PRR14L: variants seen among roughly 807,000 people sequenced by gnomAD.
PRR14L encodes the protein protein PRR14L.
A neutral mutation model predicts 155.0 loss-of-function variants in PRR14L; 80 were observed. The observed-to-expected ratio is 0.52, with a 90% confidence interval of 0.43 to 0.62. The LOEUF (loss-of-function observed/expected upper bound fraction) is 0.62, where lower values mean the gene tolerates loss of function less well. PRR14L is among the 20% of genes least tolerant of loss of function. The probability of loss-of-function intolerance (pLI) is 0.00; values close to 1 mark genes in which losing one functional copy is unlikely to be tolerated. For synonymous variants in PRR14L, 883 were observed against 916.0 expected (o/e 0.96, Z 0.65); for missense variants, 2,469 against 2,548.0 (o/e 0.97, Z 0.67).
chr22:31,727,991 A>G (rs2074726620), intron 2 of PRR14L, among the ~76,000 whole-genome samples: 1 of 151,928 alleles, frequency 6.6e-6, no homozygotes, highest in African/African-American at 2.4e-5. Flanking sequence ...AAAAAAAAAA[A>G]AAAGAAAAGA....
chr22:31,742,008 G>A (rs2074815730), intron 1 of PRR14L, among the ~76,000 whole-genome samples: 2 of 152,118 alleles, frequency 1.3e-5, no homozygotes, highest in South Asian at 4.1e-4. Flanking sequence ...GTGGGGGATG[G>A]GGGAGGTTAG....
At chr22:31,706,038 A>G (rs1343046149) in intron 4 of PRR14L, among the ~76,000 whole-genome samples, 1 of 148,346 alleles carries the variant, frequency 6.7e-6, no homozygotes, top group Non-Finnish European at 1.5e-5. Flanking sequence ...GCTATATAGA[A>G]GAAAATTAAT....
intron 1 of PRR14L, among the ~76,000 whole-genome samples, chr22:31,748,004 C>T (rs1275133024): frequency 1.4e-5 from 2 of 147,314 alleles, no homozygotes; most frequent in African/African-American, 5.4e-5. Flanking sequence ...AAAAACAGAA[C>T]ATAAAACCGT....
intron 4 of PRR14L, among the ~76,000 whole-genome samples, chr22:31,709,464 C>G (rs1478748635): frequency 6.8e-6 from 1 of 147,910 alleles, no homozygotes; most frequent in Admixed American, 6.7e-5. Context: ...CCACGTCGGT[C>G]AGGCCCGCCT....
intron 2 of PRR14L, among the ~76,000 whole-genome samples, chr22:31,734,496 T>C (rs1473009626): frequency 6.6e-6 from 1 of 152,192 alleles, no homozygotes; most frequent in African/African-American, 2.4e-5. Flanking sequence ...GGTATGCAAG[T>C]GGTATGTCTG....
intron 7 of PRR14L, among the ~76,000 whole-genome samples, chr22:31,694,373 A>C (rs1487237359): frequency 2.0e-5 from 3 of 152,020 alleles, no homozygotes; most frequent in Non-Finnish European, 4.4e-5. Flanking sequence ...CCCGGCCAGC[A>C]GCAACTTTTA....
chr22:31,685,457 A>C lies in PRR14L; in HGVS notation c.*70T>G. On this transcript the variant is annotated 3_prime_UTR_variant, in exon 9 of 9. Coordinates refer to ENST00000327423, the MANE Select transcript of PRR14L (RefSeq NM_173566.3). ...ACCTTTTCCAAGGAGGTCCAAAAAA[A>C]AAAAAAAAACCCAAAAACAAAACAA... The C allele has an allele frequency of 7.2e-7, 1 of 1,387,588 alleles. No individual in the cohort carries two copies. The highest frequency in any genetic ancestry group is 1.5e-5 in the South Asian group (1 of 68,322). The allele number at this position is 1,387,588 out of a possible 1,614,324, so 86.0% of individuals were successfully genotyped here. A position where few individuals can be genotyped will look rare whatever the true frequency, so the allele number is the denominator to read the frequency against.
rs779229626 is a variant in PRR14L at position 31,716,637 on chromosome 22, C to T, written c.1202G>A (p.Arg401Gln). 1.8e-4 allele frequency: 275 copies of T among 1,551,846 alleles called. No homozygotes were observed. Among genetic ancestry groups the T allele is most frequent in the South Asian group, 4.2e-4 (35 of 84,048 alleles). ...TCTTTCACTCCTAGGAATCAAAAGC[C>T]GTTCCTCATTTTCTTCTCTAGAAGC... ...NLASREENEE[R>Q]LLIPRSERGG... The change falls in exon 4 of 9, where the codon CGG (arginine) becomes CAG (glutamine). Residue 401 changes from arginine to glutamine, a missense_variant. By Grantham distance (43) the Arg-to-Gln change is conservative. This residue lies in a region of PRR14L where 2,363 missense variants were observed against 2,371.6 expected (regional missense o/e 1.00). Coordinates refer to ENST00000327423, the MANE Select transcript of PRR14L (RefSeq NM_173566.3).
rs574801816 is a variant in PRR14L at position 31,725,666 on chromosome 22, ATATTAT to A, written c.475-62_475-57del. 4.4e-4 allele frequency: 431 copies of A among 971,206 alleles called. 3 individuals are homozygous for A. The African/African-American group carries it at 5.8e-3, about 13-fold the overall frequency. 60.2% of individuals were successfully genotyped at this position (971,206 alleles called of 1,614,324 possible). A position where few individuals can be genotyped will look rare whatever the true frequency, so the allele number is the denominator to read the frequency against. Reference sequence around the variant, plus strand: ...GATTCAGAAGATTCTGAGTTAATGAATATTATTATTATTATTATTTTTTGAGACAGA... The same window carrying A: ...GATTCAGAAGATTCTGAGTTAATGAATATTATTATTATTTTTTGAGACAGA... On this transcript the variant is annotated intron_variant, in intron 2 of 8. Coordinates refer to ENST00000327423, the MANE Select transcript of PRR14L (RefSeq NM_173566.3).
intron 1 of PRR14L, among the ~76,000 whole-genome samples, chr22:31,749,136 G>A (rs768498099): frequency 6.6e-6 from 1 of 152,166 alleles, no homozygotes; most frequent in Non-Finnish European, 1.5e-5. Flanking sequence ...CCCTTAGCCC[G>A]CATGACAATT....
At chr22:31,727,904 C>T (rs1051513014) in intron 2 of PRR14L, among the ~76,000 whole-genome samples, 1 of 151,684 alleles carries the variant, frequency 6.6e-6, no homozygotes, top group Non-Finnish European at 1.5e-5. Context: ...ATCACTTGAA[C>T]CCAGGAGGAG....
chr22:31,691,629 T>A (rs1413828438), intron 7 of PRR14L, among the ~76,000 whole-genome samples: 1 of 152,234 alleles, frequency 6.6e-6, no homozygotes, highest in Non-Finnish European at 1.5e-5. Flanking sequence ...TCTCTAAGGA[T>A]TCTAGACTTT....
At chr22:31,743,133 T>A (rs1366596355) in intron 1 of PRR14L, among the ~76,000 whole-genome samples, 1 of 152,046 alleles carries the variant, frequency 6.6e-6, no homozygotes, top group Non-Finnish European at 1.5e-5. Context: ...ACACCCCGTC[T>A]CTACTAAAAA....
At position 31,716,458 on chromosome 22, in the gene PRR14L, G is replaced by T. The variant is rs2074660313; in HGVS notation, c.1381C>A (p.Pro461Thr). 6.4e-7 allele frequency: 1 copy of T among 1,550,676 alleles called. No homozygotes were observed. The highest frequency in any genetic ancestry group is 1.2e-5 in the South Asian group (1 of 83,814). Residue 461 changes from proline to threonine, a missense_variant, in exon 4 of 9, where the codon CCC (proline) becomes ACC (threonine). Pro to Thr is a conservative substitution (Grantham distance 38, BLOSUM62 -1). This residue lies in a region of PRR14L where 2,363 missense variants were observed against 2,371.6 expected (regional missense o/e 1.00). Transcript: ENST00000327423. The stretch of plus-strand genomic sequence containing the variant: ...TCTGTGGCTTCAGTAAAAGAATTGG[G>T]CATTAAAGAACTAGAGTTCCCTGTA... The part of the protein sequence containing the change: ...LHTGNSSSLM[P>T]NSFTEATEVM...
chr22:31,716,961 T>G lies in PRR14L; in HGVS notation c.878A>C (p.Asp293Ala), dbSNP rs528523587. The G allele has an allele frequency of 2.6e-6, 4 of 1,551,938 alleles. No homozygotes were observed. In the East Asian group the frequency reaches 9.8e-5, roughly 38 times the overall value. The change falls in exon 4 of 9, where the codon GAC becomes GCC. Residue 293 changes from aspartate to alanine, a missense_variant. By Grantham distance (126) the Asp-to-Ala change is moderately radical. This residue lies in a region of PRR14L where 2,363 missense variants were observed against 2,371.6 expected (regional missense o/e 1.00). Coordinates refer to ENST00000327423, the MANE Select transcript of PRR14L (RefSeq NM_173566.3). Reference sequence around the variant, plus strand: ...TTTACACAACTCTTCCTTCCCATTGTCCACATTAGAAATGGCACTGTTTCC... The same window carrying G: ...TTTACACAACTCTTCCTTCCCATTGGCCACATTAGAAATGGCACTGTTTCC... ...LPGNSAISNV[D>A]NGKEELCKPN...
At position 31,716,722 on chromosome 22, in the gene PRR14L, A is replaced by G. The variant is rs2074662441; in HGVS notation, c.1117T>C (p.Ser373Pro). 1 of 1,551,816 alleles carries G rather than the reference A, an allele frequency of 6.4e-7. No homozygotes were observed. The highest frequency in any genetic ancestry group is 2.0e-5 in the Admixed American group (1 of 50,948). The change falls in exon 4 of 9, where the codon TCT (serine) becomes CCT (proline). Residue 373 changes from serine (S) to proline (P), a missense_variant. By Grantham distance (74) the Ser-to-Pro change is moderately conservative (BLOSUM62 -1). This residue lies in a region of PRR14L where 2,363 missense variants were observed against 2,371.6 expected (regional missense o/e 1.00). Coordinates refer to ENST00000327423, the MANE Select transcript of PRR14L (RefSeq NM_173566.3). ...TAAGAACTGTCTGTCTTTTCAGCAG[A>G]TCTCTTTAGCAAACCACCACCTTCA... Reference protein sequence around the residue: ...GFEGGGLLKRSAEKTDSSYFY... With the variant: ...GFEGGGLLKRPAEKTDSSYFY...
chr22:31,738,991 C>T (rs549240179), intron 1 of PRR14L, 80 bp from the exon 2 acceptor site: 71 of 613,802 alleles, frequency 1.2e-4, no homozygotes, highest in Admixed American at 3.4e-4. Flanking sequence ...AAACCGGCTA[C>T]AACGAAGAAA....
At chr22:31,707,917 G>A (rs796914151) in intron 4 of PRR14L, among the ~76,000 whole-genome samples, 3 of 152,162 alleles carry the variant, frequency 2.0e-5, no homozygotes, top group African/African-American at 7.2e-5. Context: ...TAGGAGGCTG[G>A]GGCAGGCAGA....
chr22:31,699,707 T>C (rs2074553448), intron 7 of PRR14L, among the ~76,000 whole-genome samples: 1 of 152,206 alleles, frequency 6.6e-6, no homozygotes, highest in African/African-American at 2.4e-5. Context: ...TTTATATCAT[T>C]TTCCTGAAAG....
Sources: gnomAD v4.1 joint callset for allele counts (sites outside exome capture counted in the v4.1 genomes callset) on GRCh38, gnomAD v4.1.1 for gene constraint, gnomAD v4.1.1 regional missense constraint, MANE v1.5 for transcripts, NCBI Gene and HGNC (gene_info 2026-07-23, HGNC 2026-07-21) for gene names.